Variants in SHISA9 observed in about 807,000 individuals in gnomAD.
SHISA9 encodes the protein protein shisa-9.
Under a neutral mutation model 38.0 loss-of-function variants are expected in SHISA9, and 13 were observed. That is an observed-to-expected ratio of 0.34 (90% CI 0.22 to 0.54). The LOEUF (loss-of-function observed/expected upper bound fraction) is 0.54, where lower values mean the gene tolerates loss of function less well. Ranked by LOEUF, SHISA9 falls within the 20% of genes least tolerant of loss-of-function variation. The pLI is 0.91. For missense variants in SHISA9, 538 were observed against 575.8 expected (o/e 0.93, Z 0.67); for synonymous variants, 275 against 242.0 (o/e 1.14, Z -1.27).
chr16:13,087,474 C>T (rs938372090), intron 2 of SHISA9, among the ~76,000 whole-genome samples: 8 of 152,192 alleles, frequency 5.3e-5, no homozygotes, highest in African/African-American at 1.9e-4. Context: ...TCTCCACATC[C>T]TCTCCAGCAT....
chr16:13,224,368 G>A (rs1016347827), intron 4 of SHISA9, among the ~76,000 whole-genome samples: 13 of 152,158 alleles, frequency 8.5e-5, no homozygotes, highest in African/African-American at 1.2e-4. Flanking sequence ...GCCTGTCTGC[G>A]ACATAAAAGC....
chr16:13,167,122 G>A (rs1362148159), intron 2 of SHISA9, among the ~76,000 whole-genome samples: 1 of 144,078 alleles, frequency 6.9e-6, no homozygotes. Context: ...GCCCAGGCTG[G>A]AGTGCAATGG....
chr16:12,988,334 G>T (rs1350514739), intron 2 of SHISA9, among the ~76,000 whole-genome samples: 1 of 152,090 alleles, frequency 6.6e-6, no homozygotes, highest in Admixed American at 6.5e-5. Flanking sequence ...CCCGCAGGTC[G>T]TCCCCTTCTG....
intron 2 of SHISA9, among the ~76,000 whole-genome samples, chr16:13,179,008 C>A (rs1002092492): frequency 6.6e-6 from 1 of 152,136 alleles, no homozygotes; most frequent in Non-Finnish European, 1.5e-5. Flanking sequence ...TTTGAGTAAC[C>A]ACTTAACTCT....
chr16:12,970,876 A>G (rs533851722), intron 2 of SHISA9, among the ~76,000 whole-genome samples: 1 of 152,024 alleles, frequency 6.6e-6, no homozygotes, highest in South Asian at 2.1e-4. Flanking sequence ...TGAGGCAGGG[A>G]TTTTTATCTA....
intron 2 of SHISA9, among the ~76,000 whole-genome samples, chr16:13,199,481 C>A (rs547494681): frequency 6.6e-6 from 1 of 152,336 alleles, no homozygotes; most frequent in South Asian, 2.1e-4. Context: ...ATCCAGACAA[C>A]AATTGCCTTA....
chr16:13,028,148 A>G (rs886372543), intron 2 of SHISA9, among the ~76,000 whole-genome samples: 2 of 152,096 alleles, frequency 1.3e-5, no homozygotes, highest in Non-Finnish European at 1.5e-5. Context: ...TCTTGACTGT[A>G]TGTATGTGTC....
chr16:13,062,664 A>G (rs2073389728), intron 2 of SHISA9, among the ~76,000 whole-genome samples: 1 of 152,052 alleles, frequency 6.6e-6, no homozygotes, highest in South Asian at 2.1e-4. Context: ...GGAGGGGAGT[A>G]TTACTTATTT....
At chr16:13,458,335 T>A in the SHISA9 span, 1 of 310,686 alleles carries the variant, frequency 3.2e-6, no homozygotes, top group Non-Finnish European at 6.2e-6. Context: ...ACAGGATGAG[T>A]CTCGTGATCA....
the SHISA9 span, among the ~76,000 whole-genome samples, chr16:13,294,579 G>T: frequency 6.6e-6 from 1 of 152,206 alleles, no homozygotes; most frequent in Non-Finnish European, 1.5e-5. Flanking sequence ...TCAGGGGAAA[G>T]AAATAACATT....
chr16:13,259,499 A>T, the SHISA9 span, among the ~76,000 whole-genome samples: 2 of 152,182 alleles, frequency 1.3e-5, no homozygotes, highest in African/African-American at 4.8e-5. Flanking sequence ...GGGGGCTCCA[A>T]CCTCACATTT....
the SHISA9 span, among the ~76,000 whole-genome samples, chr16:13,307,362 T>C: frequency 1.3e-5 from 2 of 152,232 alleles, no homozygotes; most frequent in East Asian, 3.8e-4. Context: ...TATTTCCTCC[T>C]GGCTTGTGGT....
chr16:13,535,470 A>G, the SHISA9 span, among the ~76,000 whole-genome samples: 5 of 152,258 alleles, frequency 3.3e-5, no homozygotes, highest in East Asian at 5.8e-4. Context: ...CCCACAAACT[A>G]TGCTCCTTGA....
At chr16:13,225,217 G>A (rs1032002549) in intron 4 of SHISA9, among the ~76,000 whole-genome samples, 9 of 152,170 alleles carry the variant, frequency 5.9e-5, no homozygotes, top group African/African-American at 1.9e-4. Context: ...CCAGAAATTC[G>A]AAGAGGCAAG....
chr16:13,327,373 T>C, the SHISA9 span, among the ~76,000 whole-genome samples: 2 of 152,086 alleles, frequency 1.3e-5, no homozygotes, highest in African/African-American at 2.4e-5. Flanking sequence ...CCCAGCACTT[T>C]GGGAGGCCGA....
intron 2 of SHISA9, among the ~76,000 whole-genome samples, chr16:13,196,238 A>C (rs564488723): frequency 6.6e-6 from 1 of 150,854 alleles, no homozygotes; most frequent in Non-Finnish European, 1.5e-5. Flanking sequence ...TCTACTAAAA[A>C]TACAAAAAAT....
chr16:13,561,310 G>A, the SHISA9 span, among the ~76,000 whole-genome samples: 6 of 152,090 alleles, frequency 3.9e-5, no homozygotes, highest in Non-Finnish European at 8.8e-5. Context: ...GTCTCCTCCC[G>A]ACAAGGCACT....
At chr16:13,259,181 T>C in the SHISA9 span, among the ~76,000 whole-genome samples, 1 of 152,140 alleles carries the variant, frequency 6.6e-6, no homozygotes, top group African/African-American at 2.4e-5. Flanking sequence ...ACAGGGCCCA[T>C]GCAAGTTCGA....
intron 2 of SHISA9, among the ~76,000 whole-genome samples, chr16:13,003,789 C>A (rs539154563): frequency 6.6e-6 from 1 of 152,036 alleles, no homozygotes; most frequent in East Asian, 1.9e-4. Flanking sequence ...AGCCAGGAGG[C>A]GGAGGTTGCA....
Sources: gnomAD v4.1 joint callset for allele counts (sites outside exome capture counted in the v4.1 genomes callset) on GRCh38, gnomAD v4.1.1 for gene constraint, MANE v1.5 for transcripts, NCBI Gene and HGNC (gene_info 2026-07-23, HGNC 2026-07-21) for gene names.